The following TLE5 variants were observed in gnomAD, a reference collection of about 807,000 sequenced individuals.
The protein encoded by TLE5 is TLE family member 5.
A neutral mutation model predicts 25.8 loss-of-function variants in TLE5; 7 were observed. That is an observed-to-expected ratio of 0.27 (90% CI 0.15 to 0.51). The LOEUF is 0.51. Ranked by LOEUF, TLE5 falls within the 20% of genes least tolerant of loss-of-function variation. The pLI is 0.97. For missense variants in TLE5, 149 were observed against 250.7 expected, an observed-to-expected ratio of 0.59 and a Z score of 2.74; for synonymous variants, 132 against 110.5, an observed-to-expected ratio of 1.20 and a Z score of -1.22.
intron 2 of TLE5, among the ~76,000 whole-genome samples, chr19:3,059,418 A>C (rs193089174): frequency 3.0e-3 from 464 of 152,256 alleles, no homozygotes; most frequent in African/African-American, 0.011. Flanking sequence ...GCTACTTGGG[A>C]GGCTGAAACA....
Position 3,062,415 on chromosome 19 carries a change from C to A in TLE5, c.-215G>T. 1.4e-6 allele frequency: 1 copy of A among 728,076 alleles called. No homozygotes were observed. The highest frequency in any genetic ancestry group is 1.4e-4 in the East Asian group (1 of 7,348). The allele number at this position is 728,076 out of a possible 1,614,324, so 45.1% of individuals were successfully genotyped here. A position where few individuals can be genotyped will look rare whatever the true frequency, so the allele number is the denominator to read the frequency against. ...GGCCCCGCTTCCTGCGCGCCCGGCG[C>A]CCCTCCCCGCCCCTCCCCGCCGCCC... On this transcript the variant is annotated 5_prime_UTR_variant, in exon 1 of 7. Transcript: ENST00000327141.
chr19:3,056,204 A>C (rs2090216281), intron 4 of TLE5, 108 bp downstream of exon 4: 14 of 596,762 alleles, frequency 2.3e-5, no homozygotes, highest in Non-Finnish European at 2.6e-5. Context: ...CTTGGTGCCC[A>C]GCCGAGGGCC....
In TLE5 at chr19:3,053,686, G is replaced by A. The variant is rs542062746; in HGVS notation, c.*133C>T. 6.8e-5 allele frequency: 73 copies of A among 1,066,106 alleles called. No homozygotes were observed. Among genetic ancestry groups the A allele is most frequent in the African/African-American group, 3.7e-4 (23 of 62,498 alleles). 66.0% of individuals were successfully genotyped at this position (1,066,106 alleles called of 1,614,324 possible). On this transcript the variant is annotated 3_prime_UTR_variant, in exon 7 of 7. Coordinates refer to ENST00000327141, the MANE Select transcript of TLE5 (RefSeq NM_001130.6). ...TGCAAGCTGGGCTGGGGCCCCCGCC[G>A]GCGGCCACCATAAATACTATGGGAG...
intron 6 of TLE5, 34 bp downstream of exon 6, chr19:3,054,086 T>TGGGGGGGGGGGGGG: frequency 6.0e-6 from 9 of 1,512,474 alleles, no homozygotes; most frequent in Non-Finnish European, 8.0e-6. Flanking sequence ...GGCCCACCTG[T>TGGGGGGGGGGGGGG]CCCCCGCCCA....
chr19:3,058,725 G>A (rs2090240628), intron 2 of TLE5, among the ~76,000 whole-genome samples: 1 of 152,226 alleles, frequency 6.6e-6, no homozygotes, highest in Admixed American at 6.5e-5. Flanking sequence ...TGGCCGGAGG[G>A]AAGAGAGCAG....
At chr19:3,061,084 A>G (rs2090262133) in intron 2 of TLE5, 76 bp downstream of exon 2, 2 of 1,105,976 alleles carry the variant, frequency 1.8e-6, no homozygotes, top group East Asian at 2.4e-5. Flanking sequence ...TCCAGGCCTC[A>G]GCCTTGCCAT....
At chr19:3,061,453 G>C in intron 1 of TLE5, 196 bp from the exon 2 acceptor site, 1 of 412,814 alleles carries the variant, frequency 2.4e-6, no homozygotes, top group Non-Finnish European at 4.4e-6. Flanking sequence ...CGAGCGGGTG[G>C]GTGCGCCCGG....
chr19:3,059,592 G>A (rs2090247819), intron 2 of TLE5, among the ~76,000 whole-genome samples: 1 of 152,176 alleles, frequency 6.6e-6, no homozygotes, highest in Admixed American at 6.5e-5. Context: ...TGAAAAATAG[G>A]ATGGTCTGGC....
chr19:3,055,611 C>T, intron 5 of TLE5, 53 bp downstream of exon 5: 1 of 1,510,644 alleles, frequency 6.6e-7, no homozygotes. Context: ...TGGACAGGGG[C>T]TGGGCAAGTG....
chr19:3,057,510 G>A (rs2090229471), intron 3 of TLE5, 169 bp downstream of exon 3: 4 of 653,906 alleles, frequency 6.1e-6, no homozygotes, highest in East Asian at 2.9e-5. Flanking sequence ...CCAGGCTAGC[G>A]AGGCAGGCTC....
chr19:3,062,615 C>T, upstream of TLE5: 1 of 1,119,324 alleles, frequency 8.9e-7, no homozygotes, highest in Non-Finnish European at 1.1e-6. Flanking sequence ...CACGCCGGCC[C>T]GCCTCCCCGT....
chr19:3,062,661 C>A (rs1303203107), upstream of TLE5: 5 of 1,359,606 alleles, frequency 3.7e-6, no homozygotes, highest in Non-Finnish European at 4.7e-6. Flanking sequence ...GCCCGGCCCG[C>A]CCCCGCCCCG....
rs577688105 is a variant in TLE5, at chr19:3,061,774, C to A, written c.27+400G>T. ...GGGAGGGGTGCGCCTCGGATCACCC[C>A]CCCCACCACAGGCCCCCAAAGGATC... On this transcript the variant is annotated intron_variant, in intron 1 of 6. Transcript: ENST00000327141. 3.4e-3 allele frequency among the ~76,000 whole-genome samples: 512 copies of A among 151,458 alleles called. 4 individuals carry two copies. The highest frequency in any genetic ancestry group is 0.012 in the African/African-American group (492 of 41,296).
intron 1 of TLE5, 36 bp from the exon 2 acceptor site, chr19:3,061,293 G>T (rs369532971): frequency 6.5e-6 from 10 of 1,547,230 alleles, no homozygotes; most frequent in Non-Finnish European, 8.0e-6. Context: ...AGGCCCAGGC[G>T]TGGGCTGGAC....
intron 5 of TLE5, 174 bp downstream of exon 5, chr19:3,055,490 G>A: frequency 2.2e-6 from 1 of 459,438 alleles, no homozygotes; most frequent in Non-Finnish European, 3.7e-6. Context: ...GAGTGTCTCT[G>A]GCCCGGGGAT....
At position 3,053,709 on chromosome 19, in the gene TLE5, G is replaced by C. The variant is rs2090192845; in HGVS notation, c.*110C>G. 1 of 1,271,628 alleles carries C rather than the reference G, an allele frequency of 7.9e-7. No homozygotes were observed. Among genetic ancestry groups the C allele is most frequent in the Non-Finnish European group, 1.1e-6 (1 of 928,630 alleles). 78.8% of individuals were successfully genotyped at this position (1,271,628 alleles called of 1,614,324 possible). A position where few individuals can be genotyped will look rare whatever the true frequency, so the allele number is the denominator to read the frequency against. On this transcript the variant is annotated 3_prime_UTR_variant, in exon 7 of 7. Transcript: ENST00000327141. ...CCGGCGGCCACCATAAATACTATGG[G>C]AGTTTAGCCAATCCCGAGCTCCGCT...
In TLE5 at chr19:3,062,339, T is replaced by C. The variant is rs2145269348; in HGVS notation, c.-139A>G. ...CCGCCGCCGCCTCCCGCGCCCGGCC[T>C]CGCCCGCTTCCTGCGCCCCCTCCCC... is the stretch of plus-strand genomic sequence containing the variant. On this transcript the variant is annotated 5_prime_UTR_variant, in exon 1 of 7. Transcript: ENST00000327141. The C allele has an allele frequency of 2.1e-6, 2 of 970,474 alleles. No individual in the cohort carries two copies. Among genetic ancestry groups the C allele is most frequent in the Middle Eastern group, 5.3e-4 (1 of 1,888 alleles). The allele number at this position is 970,474 out of a possible 1,614,324, so 60.1% of individuals were successfully genotyped here. A position where few individuals can be genotyped will look rare whatever the true frequency, so the allele number is the denominator to read the frequency against.
intron 2 of TLE5, among the ~76,000 whole-genome samples, chr19:3,060,312 GTTTCTTTTTTTC>G (rs1211947261): frequency 4.3e-5 from 6 of 139,704 alleles, no homozygotes; most frequent in Non-Finnish European, 7.7e-5. Context: ...CTGGGCTTAA[GTTTCTTTTTTTC>G]TTTCTTTTTT....
chr19:3,058,056 G>A (rs1058707), intron 2 of TLE5, among the ~76,000 whole-genome samples: 12,810 of 151,730 alleles, frequency 0.084, 712 homozygotes, highest in East Asian at 0.14. Flanking sequence ...AGGGGCTGAG[G>A]ACATTGAATT....
Sources: allele counts gnomAD v4.1 joint callset (sites outside exome capture counted in the v4.1 genomes callset), GRCh38; gene constraint gnomAD v4.1.1; transcripts MANE v1.5; gene names NCBI Gene and HGNC (gene_info 2026-07-23, HGNC 2026-07-21).